The following SRPK1 variants were observed in gnomAD, a reference collection of about 807,000 sequenced individuals.
SRPK1 encodes the protein SFRS protein kinase 1.
A neutral mutation model predicts 89.5 loss-of-function variants in SRPK1; 52 were observed. The ratio of observed to expected loss-of-function variants is 0.58; its 90% CI spans 0.46 to 0.73. The LOEUF (loss-of-function observed/expected upper bound fraction) is 0.73. Among genes scored for constraint, SRPK1 ranks in the 30% least tolerant of loss-of-function variants. The pLI is 0.00. For missense variants in SRPK1, 603 were observed against 780.6 expected (o/e 0.77, Z 2.71); for synonymous variants, 255 against 270.2 (o/e 0.94, Z 0.55).
intron 2 of SRPK1, among the ~76,000 whole-genome samples, chr6:35,906,549 G>C (rs1410479247): frequency 6.6e-6 from 1 of 152,138 alleles, no homozygotes; most frequent in East Asian, 1.9e-4. Flanking sequence ...AAAGAAGCCA[G>C]TCACTAAAGA....
chr6:35,870,266 A>G lies in SRPK1; in HGVS notation c.991+15T>C. 6.2e-7 allele frequency: 1 copy of G among 1,604,842 alleles called. No homozygotes were observed. The highest frequency in any genetic ancestry group is 8.5e-7 in the Non-Finnish European group (1 of 1,174,992). ...AGTGTGTTGTACAGTAATTTTCGTG[A>G]TGTTCTATTTATACCAAGTTTTTCT... On this transcript the variant is annotated intron_variant, in intron 10 of 15. Coordinates refer to ENST00000373825, the MANE Select transcript of SRPK1 (RefSeq NM_003137.5).
chr6:35,909,583 G>A (rs1401157949), intron 2 of SRPK1, among the ~76,000 whole-genome samples: 1 of 152,146 alleles, frequency 6.6e-6, no homozygotes, highest in Non-Finnish European at 1.5e-5. Flanking sequence ...GATCTGGGAG[G>A]GGCCAAGAGT....
chr6:35,862,383 G>A (rs1033438693), intron 12 of SRPK1, among the ~76,000 whole-genome samples: 4 of 152,146 alleles, frequency 2.6e-5, no homozygotes, highest in Non-Finnish European at 4.4e-5. Context: ...CTAAGCCACA[G>A]AGGAAATTGC....
intron 14 of SRPK1, among the ~76,000 whole-genome samples, chr6:35,841,527 C>T (rs113039819): frequency 2.4e-4 from 36 of 152,106 alleles, no homozygotes; most frequent in African/African-American, 7.5e-4. Flanking sequence ...ACATAAGCTG[C>T]CTCAACTGTA....
At chr6:35,886,563 A>G (rs1770413686) in intron 6 of SRPK1, among the ~76,000 whole-genome samples, 161 bp downstream of exon 6, 1 of 152,222 alleles carries the variant, frequency 6.6e-6, no homozygotes, top group Non-Finnish European at 1.5e-5. Context: ...ACCACACAAA[A>G]TTAGACAAAA....
At chr6:35,853,958 T>C (rs578253327) in intron 13 of SRPK1, among the ~76,000 whole-genome samples, 1 of 152,176 alleles carries the variant, frequency 6.6e-6, no homozygotes, top group East Asian at 1.9e-4. Flanking sequence ...CCCCCTTTTT[T>C]TTGTTTTTTT....
In SRPK1 at chr6:35,920,538, A is replaced by G. The variant is rs776885389; in HGVS notation, c.14-10T>C. On this transcript the variant is annotated splice_polypyrimidine_tract_variant and intron_variant, in intron 1 of 15. Transcript: ENST00000373825. The stretch of plus-strand genomic sequence containing the variant: ...GCCTGGAGCGCAAGCACTGCAGGAG[A>G]GAGGGATGGATGAAGGGCGAATGTG... The G allele has an allele frequency of 4.3e-6, 7 of 1,612,052 alleles. No homozygotes were observed. In the East Asian group the frequency reaches 1.6e-4, roughly 36 times the overall value.
chr6:35,894,665 G>C (rs1407675003), intron 2 of SRPK1, among the ~76,000 whole-genome samples: 1 of 152,090 alleles, frequency 6.6e-6, no homozygotes, highest in Non-Finnish European at 1.5e-5. Context: ...GCAGTAATTA[G>C]ACTGTCATCA....
At chr6:35,892,607 G>A (rs536280847) in intron 2 of SRPK1, among the ~76,000 whole-genome samples, 5 of 151,696 alleles carry the variant, frequency 3.3e-5, no homozygotes, top group South Asian at 4.2e-4. Flanking sequence ...AGCCGAAATC[G>A]CGTCGTTGCA....
At chr6:35,845,154 G>C (rs548282826) in intron 13 of SRPK1, among the ~76,000 whole-genome samples, 2 of 152,186 alleles carry the variant, frequency 1.3e-5, no homozygotes, top group Non-Finnish European at 2.9e-5. Flanking sequence ...AATAGGCAGA[G>C]CACAGAGGAG....
rs1433969114 is a variant in SRPK1, at chr6:35,915,991, A to AAAAAATAT, written c.74+4476_74+4477insATATTTTT. ...TGTCTCAAAAACAAAAAAAAAAAAA[A>AAAAAATAT]ATATATACACACACACACACACACA... is the stretch of plus-strand genomic sequence containing the variant. On this transcript the variant is annotated intron_variant, in intron 2 of 15. Coordinates refer to ENST00000373825, the MANE Select transcript of SRPK1 (RefSeq NM_003137.5). 8.1e-5 allele frequency among the ~76,000 whole-genome samples: 7 copies of AAAAAATAT among 86,298 alleles called. 1 individual carries two copies. Among genetic ancestry groups the AAAAAATAT allele is most frequent in the African/African-American group, 3.2e-4 (5 of 15,740 alleles). The allele number at this position is 86,298 out of a possible 152,430, so 56.6% of individuals were successfully genotyped here.
chr6:35,869,196 A>C, intron 11 of SRPK1, 86 bp from the exon 12 acceptor site: 2 of 1,172,508 alleles, frequency 1.7e-6, no homozygotes, highest in Non-Finnish European at 2.4e-6. Flanking sequence ...GGTAAGAGTA[A>C]TACAGTCAGC....
chr6:35,915,991 A>AAAATAT (rs1433969114), intron 2 of SRPK1, among the ~76,000 whole-genome samples: 10 of 86,298 alleles, frequency 1.2e-4, no homozygotes, highest in Non-Finnish European at 1.5e-4. Flanking sequence ...AAAAAAAAAA[A>AAAATAT]ATATATACAC....
chr6:35,842,676 G>A, intron 13 of SRPK1, 72 bp from the exon 14 acceptor site: 1 of 1,132,586 alleles, frequency 8.8e-7, no homozygotes, highest in Non-Finnish European at 1.2e-6. Context: ...ATTGCTATTT[G>A]GCTCAATATG....
At chr6:35,854,544 A>AC (rs35824518) in intron 13 of SRPK1, among the ~76,000 whole-genome samples, 48,156 of 152,006 alleles carry the variant, frequency 0.32, 7,846 homozygotes, top group South Asian at 0.45. Flanking sequence ...TCAGGTAAGT[A>AC]CTTCCATTCC....
At chr6:35,874,160 C>A in intron 7 of SRPK1, 73 bp downstream of exon 7, 1 of 1,267,596 alleles carries the variant, frequency 7.9e-7, no homozygotes. Flanking sequence ...AAAATAAAGT[C>A]CTGACACTTC....
chr6:35,840,808 C>A (rs1374755587), intron 14 of SRPK1, among the ~76,000 whole-genome samples: 2 of 152,142 alleles, frequency 1.3e-5, no homozygotes, highest in Non-Finnish European at 2.9e-5. Flanking sequence ...CAAACTGCAG[C>A]AGAACAGCAT....
chr6:35,902,567 C>A (rs1166303790), intron 2 of SRPK1, among the ~76,000 whole-genome samples: 2 of 152,178 alleles, frequency 1.3e-5, no homozygotes, highest in African/African-American at 4.8e-5. Context: ...GCACTCAATG[C>A]AATTTCATCC....
rs1388248934 is a variant in SRPK1, at chr6:35,874,269, C to G, written c.549G>C (p.Gly183=). 1 of 1,613,234 alleles carries G rather than the reference C, an allele frequency of 6.2e-7. No homozygotes were observed. Among genetic ancestry groups the G allele is most frequent in the East Asian group, 2.2e-5 (1 of 44,870 alleles). Residue 183 remains glycine, a synonymous_variant, in exon 7 of 16, where the codon GGG becomes GGC. Transcript: ENST00000373825. Reference sequence around the variant, plus strand: ...TTTTTTTGACACAAGGCAGTGGAAGCCCCTGATAATTGGATTTGATGATCC... The same window carrying G: ...TTTTTTTGACACAAGGCAGTGGAAGGCCCTGATAATTGGATTTGATGATCC... ...LKWIIKSNYQ[G]LPLPCVKKII... is the part of the protein sequence containing the mutation.
Sources: gnomAD v4.1 joint callset for allele counts (sites outside exome capture counted in the v4.1 genomes callset) on GRCh38, gnomAD v4.1.1 for gene constraint, MANE v1.5 for transcripts, NCBI Gene and HGNC (gene_info 2026-07-23, HGNC 2026-07-21) for gene names.